Variants in PIAS1 observed in about 807,000 individuals in gnomAD.
PIAS1 encodes E3 SUMO-protein ligase PIAS1.
In PIAS1, 6 loss-of-function variants were observed where a neutral mutation model predicts 71.3. The ratio of observed to expected loss-of-function variants is 0.08; its 90% CI spans 0.05 to 0.17. PIAS1 has a LOEUF of 0.17. Ranked by LOEUF, PIAS1 falls within the 10% of genes least tolerant of loss-of-function variation. The pLI is 1.00. For synonymous variants in PIAS1, 303 were observed against 292.9 expected (o/e 1.03, Z -0.35); for missense variants, 555 against 793.6 (o/e 0.70, Z 3.61).
intron 10 of PIAS1, among the ~76,000 whole-genome samples, chr15:68,176,093 A>AT (rs2141093108): frequency 6.6e-6 from 1 of 151,842 alleles, no homozygotes; most frequent in South Asian, 2.1e-4. Context: ...TCATTTATTT[A>AT]TTTTTTCCTG....
Position 68,189,781 on chromosome 15 carries a change from ACAGATTGT to A in PIAS1, c.*1950_*1957del, listed in dbSNP as rs1215960404. The A allele has an allele frequency of 6.6e-6, 1 of 152,132 alleles. No individual in the cohort carries two copies. The highest frequency in any genetic ancestry group is 1.5e-5 in the Non-Finnish European group (1 of 68,002). 9.4% of individuals were successfully genotyped at this position (152,132 alleles called of 1,614,324 possible). ...AATTTGCAATAAAAAAAAAACCAAAACAGATTGTCAGTTAACCAGGAAACAGTTAATGT... is the reference window on the plus strand; with the variant it reads ...AATTTGCAATAAAAAAAAAACCAAAACAGTTAACCAGGAAACAGTTAATGT... On this transcript the variant is annotated 3_prime_UTR_variant, in exon 14 of 14. Coordinates refer to ENST00000249636, the MANE Select transcript of PIAS1 (RefSeq NM_016166.3).
intron 1 of PIAS1, among the ~76,000 whole-genome samples, chr15:68,068,890 G>C (rs1320677402): frequency 8.4e-6 from 1 of 119,610 alleles, no homozygotes; most frequent in African/African-American, 3.1e-5. Flanking sequence ...AAATGTTTTT[G>C]TCCTTTTTTT....
intron 1 of PIAS1, among the ~76,000 whole-genome samples, chr15:68,076,331 G>A (rs1395356339): frequency 2.0e-5 from 3 of 151,942 alleles, no homozygotes; most frequent in African/African-American, 7.3e-5. Flanking sequence ...CACGGTGAAA[G>A]CGCGTCTTTA....
rs771847003 is a variant in PIAS1 at position 68,054,315 on chromosome 15, G to T, written c.-12G>T. ...CGGCGAAGTTCACTGCGCTTGCGCTGACAGACGCAAGATGGCGGACAGTGC... is the reference window on the plus strand; with the variant it reads ...CGGCGAAGTTCACTGCGCTTGCGCTTACAGACGCAAGATGGCGGACAGTGC... On this transcript the variant is annotated 5_prime_UTR_variant, in exon 1 of 14. Transcript: ENST00000249636. The surrounding 1 kb of genome is among the most constrained non-coding windows in gnomAD (Gnocchi z 4.6). 1 of 1,566,416 alleles carries T rather than the reference G, an allele frequency of 6.4e-7. No individual in the cohort carries two copies. Among genetic ancestry groups the T allele is most frequent in the South Asian group, 1.2e-5 (1 of 85,102 alleles).
chr15:68,163,324 A>C (rs558076665), intron 7 of PIAS1, among the ~76,000 whole-genome samples: 2 of 152,364 alleles, frequency 1.3e-5, no homozygotes, highest in East Asian at 3.9e-4. Context: ...TATATTTTCC[A>C]AACTAAAAAC....
In PIAS1 at chr15:68,174,806, C is replaced by A. The variant is rs536888279; in HGVS notation, c.1170-831C>A. Reference sequence around the variant, plus strand: ...TTAGCAATACAAGTATAACCTGGAGCTTGAAAGATGTCAGACCAGTCATGG... The same window carrying A: ...TTAGCAATACAAGTATAACCTGGAGATTGAAAGATGTCAGACCAGTCATGG... On this transcript the variant is annotated intron_variant, in intron 9 of 13. Coordinates refer to ENST00000249636, the MANE Select transcript of PIAS1 (RefSeq NM_016166.3). This position sits in a 1 kb window ranked among gnomAD's most constrained non-coding sequence, Gnocchi z 4.0. Among the ~76,000 whole-genome samples, 6 of 152,256 alleles carry A rather than the reference C, an allele frequency of 3.9e-5. No individual in the cohort carries two copies. The highest frequency in any genetic ancestry group is 1.4e-4 in the African/African-American group (6 of 41,536).
intron 4 of PIAS1, among the ~76,000 whole-genome samples, chr15:68,144,119 GAA>G (rs11330725): frequency 2.1e-3 from 267 of 124,580 alleles, no homozygotes; most frequent in African/African-American, 4.9e-3. Context: ...CCAGGACTTG[GAA>G]AAAAAAAAAA....
chr15:68,169,881 T>G (rs1314680145), intron 8 of PIAS1, among the ~76,000 whole-genome samples: 2 of 103,360 alleles, frequency 1.9e-5, no homozygotes, highest in South Asian at 3.1e-4. Flanking sequence ...TATCCCCATT[T>G]TACAAAACTG....
chr15:68,152,947 AGTCT>A (rs1020945320), intron 6 of PIAS1, among the ~76,000 whole-genome samples: 11 of 124,038 alleles, frequency 8.9e-5, no homozygotes, highest in Admixed American at 2.0e-4. Context: ...ATCTCTGGGT[AGTCT>A]GTCTGCTGGT....
In PIAS1 at chr15:68,137,312, A is replaced by G. The variant is rs146173744; in HGVS notation, c.470-4634A>G. On this transcript the variant is annotated intron_variant, in intron 2 of 13. Transcript: ENST00000249636. ...AATCAGGGGAGTAATTAAAATGTTC[A>G]TATGTCCCCTGAGAGAATACAGTAA... Among the ~76,000 whole-genome samples the G allele has an allele frequency of 2.6e-4, 40 of 152,318 alleles. 1 individual carries two copies. In the East Asian group the frequency reaches 3.3e-3, roughly 12 times the overall value.
Position 68,086,269 on chromosome 15 carries a change from G to C in PIAS1, c.25-37G>C. On this transcript the variant is annotated intron_variant, in intron 1 of 13. Coordinates refer to ENST00000249636, the MANE Select transcript of PIAS1 (RefSeq NM_016166.3). This position sits in a 1 kb window ranked among gnomAD's most constrained non-coding sequence, Gnocchi z 7.2. ...ATTTAATAGTGTAAATTATATTATT[G>C]GAATACTAATGTTTTACATTTTGTT... The C allele has an allele frequency of 7.5e-7, 1 of 1,341,798 alleles. No homozygotes were observed. Among genetic ancestry groups the C allele is most frequent in the Non-Finnish European group, 1.0e-6 (1 of 978,848 alleles). 83.1% of individuals were successfully genotyped at this position (1,341,798 alleles called of 1,614,324 possible).
At chr15:68,106,072 C>T (rs2092465885) in intron 2 of PIAS1, among the ~76,000 whole-genome samples, 1 of 151,832 alleles carries the variant, frequency 6.6e-6, no homozygotes, top group African/African-American at 2.4e-5. Context: ...TGCTGTATAC[C>T]AAGCTACAGT....
chr15:68,166,558 G>A (rs1189132344), intron 8 of PIAS1, among the ~76,000 whole-genome samples: 1 of 151,928 alleles, frequency 6.6e-6, no homozygotes, highest in Admixed American at 6.6e-5. Context: ...CAGAAAATAC[G>A]TTTAGAAAAG....
rs369644680 is a variant in PIAS1, at chr15:68,187,829, G to A, written c.1950G>A (p.Leu650=). The part of the protein sequence containing the change: ...IFGIIPDIIS[L]D The stretch of plus-strand genomic sequence containing the variant: ...GCATCATACCAGACATTATTTCATT[G>A]GACTGATTCCCAGGCCCTGCTGCTC... Residue 650 remains leucine, a synonymous_variant, in exon 14 of 14, where the codon TTG becomes TTA. Transcript: ENST00000249636. The surrounding 1 kb of genome is among the most constrained non-coding windows in gnomAD (Gnocchi z 5.3). 35 of 1,611,728 alleles carry A rather than the reference G, an allele frequency of 2.2e-5. No individual in the cohort carries two copies. The African/African-American group carries it at 4.5e-4, about 21-fold the overall frequency.
intron 2 of PIAS1, among the ~76,000 whole-genome samples, chr15:68,115,710 C>T (rs1347559812): frequency 6.6e-6 from 1 of 152,046 alleles, no homozygotes; most frequent in Non-Finnish European, 1.5e-5. Context: ...AAGATGTTTA[C>T]TTCTATTCCT....
At chr15:68,124,647 G>T (rs2092637405) in intron 2 of PIAS1, among the ~76,000 whole-genome samples, 1 of 152,120 alleles carries the variant, frequency 6.6e-6, no homozygotes, top group African/African-American at 2.4e-5. Context: ...CTTGAACCGG[G>T]AGGCAGATGT....
chr15:68,105,508 G>T (rs1257385731), intron 2 of PIAS1, among the ~76,000 whole-genome samples: 1 of 152,046 alleles, frequency 6.6e-6, no homozygotes, highest in Non-Finnish European at 1.5e-5. Flanking sequence ...TTAACTTAGT[G>T]TTTCCGGAAT....
chr15:68,096,404 G>T (rs1479106732), intron 2 of PIAS1, among the ~76,000 whole-genome samples: 1 of 150,344 alleles, frequency 6.7e-6, no homozygotes, highest in Non-Finnish European at 1.5e-5. Flanking sequence ...TTTTGCTTTT[G>T]GGAGTCCCTT....
chr15:68,148,615 G>A (rs1362445377), intron 6 of PIAS1, among the ~76,000 whole-genome samples: 1 of 152,102 alleles, frequency 6.6e-6, no homozygotes, highest in Non-Finnish European at 1.5e-5. Flanking sequence ...TTTTAGTAGA[G>A]ATGGGGTTTC....
Sources: gnomAD v4.1 joint callset for allele counts (sites outside exome capture counted in the v4.1 genomes callset) on GRCh38, gnomAD v4.1.1 for gene constraint, Gnocchi (gnomAD v3.1) non-coding constraint, MANE v1.5 for transcripts, NCBI Gene and HGNC (gene_info 2026-07-23, HGNC 2026-07-21) for gene names.